Variants in PGAP2 observed in about 807,000 individuals in gnomAD.
PGAP2 encodes the protein acyltransferase PGAP2.
In PGAP2, 21 loss-of-function variants were observed where a neutral mutation model predicts 33.2. That is an observed-to-expected ratio of 0.63 (90% CI 0.45 to 0.91). The LOEUF is 0.91. PGAP2 is among the 40% of genes least tolerant of loss of function. The probability of loss-of-function intolerance (pLI) is 0.00; values close to 1 mark genes in which losing one functional copy is unlikely to be tolerated. For missense variants in PGAP2, 345 were observed against 424.0 expected (o/e 0.81, Z 1.64); for synonymous variants, 161 against 172.9 (o/e 0.93, Z 0.54).
In PGAP2 at chr11:3,826,327, G is replaced by A; in HGVS notation, c.*869G>A. The stretch of plus-strand genomic sequence containing the variant: ...TTTGGTTGTACATTTTATTTGAAAG[G>A]AAAATAAATTTTTTTTTTGGGCCAA... On this transcript the variant is annotated 3_prime_UTR_variant, in exon 7 of 7. Transcript: ENST00000278243. The A allele has an allele frequency of 6.6e-6, 1 of 152,092 alleles. No homozygotes were observed. The highest frequency in any genetic ancestry group is 1.9e-4 in the East Asian group (1 of 5,200). 9.4% of individuals were successfully genotyped at this position (152,092 alleles called of 1,614,324 possible).
chr11:3,814,123 G>A (rs1331481439), intron 2 of PGAP2, among the ~76,000 whole-genome samples: 1 of 152,182 alleles, frequency 6.6e-6, no homozygotes, highest in African/African-American at 2.4e-5. Context: ...AAAGAAGCAA[G>A]CTAGTCCATC....
At chr11:3,819,122 C>T (rs968693750) in intron 3 of PGAP2, among the ~76,000 whole-genome samples, 1 of 152,206 alleles carries the variant, frequency 6.6e-6, no homozygotes, top group Admixed American at 6.5e-5. Flanking sequence ...GATCTTGGCT[C>T]ATTGCAGCCT....
intron 2 of PGAP2, among the ~76,000 whole-genome samples, chr11:3,815,872 A>G (rs17276453): frequency 0.093 from 14,130 of 152,104 alleles, 901 homozygotes; most frequent in Middle Eastern, 0.16. Context: ...CCATTTCTCC[A>G]GTGAGGCCCA....
chr11:3,822,036 C>T (rs944245326), intron 3 of PGAP2, among the ~76,000 whole-genome samples: 1 of 151,806 alleles, frequency 6.6e-6, no homozygotes, highest in Non-Finnish European at 1.5e-5. Context: ...CCAGCCTGGG[C>T]AACCGAAGTG....
At chr11:3,820,345 T>A (rs1432726399) in intron 3 of PGAP2, among the ~76,000 whole-genome samples, 1 of 152,194 alleles carries the variant, frequency 6.6e-6, no homozygotes, top group Non-Finnish European at 1.5e-5. Flanking sequence ...TGTACTTAAC[T>A]GCATGCCAGA....
At chr11:3,824,781 T>G (rs1320359922) in intron 5 of PGAP2, 2 of 1,430,024 alleles carry the variant, frequency 1.4e-6, no homozygotes, top group Non-Finnish European at 1.8e-6. Flanking sequence ...ACTTTCATAC[T>G]CCATCCCCCT....
chr11:3,811,164 T>C lies in PGAP2; in HGVS notation c.-10-86T>C. On this transcript the variant is annotated intron_variant, in intron 1 of 6. Transcript: ENST00000278243. The surrounding 1 kb of genome is among the most constrained non-coding windows in gnomAD (Gnocchi z 4.6). Reference sequence around the variant, plus strand: ...CCCCACCCCACAGCACACAGCTAATTTTAGGACTGAGCACAAGGGCTGACT... The same window carrying C: ...CCCCACCCCACAGCACACAGCTAATCTTAGGACTGAGCACAAGGGCTGACT... 1 of 1,307,172 alleles carries C rather than the reference T, an allele frequency of 7.7e-7. No individual in the cohort carries two copies. The highest frequency in any genetic ancestry group is 1.1e-6 in the Non-Finnish European group (1 of 938,362). 81.0% of individuals were successfully genotyped at this position (1,307,172 alleles called of 1,614,324 possible).
chr11:3,822,212 A>G (rs937030975), intron 3 of PGAP2, among the ~76,000 whole-genome samples: 10 of 151,846 alleles, frequency 6.6e-5, no homozygotes, highest in Non-Finnish European at 1.3e-4. Context: ...AAAATACAAA[A>G]AATTAGCCGG....
intron 1 of PGAP2, among the ~76,000 whole-genome samples, chr11:3,799,977 A>G (rs1438508888): frequency 6.6e-6 from 1 of 152,152 alleles, no homozygotes; most frequent in Non-Finnish European, 1.5e-5. Flanking sequence ...GGGGGAAAAA[A>G]AAGGTGGTGG....
chr11:3,798,114 A>T, intron 1 of PGAP2: 1 of 1,471,526 alleles, frequency 6.8e-7, no homozygotes, highest in South Asian at 1.3e-5. Context: ...TGTCTGTCCA[A>T]AGAGTTTGCC....
At position 3,823,865 on chromosome 11, in the gene PGAP2, C is replaced by A. The variant is rs767553310; in HGVS notation, c.349-18C>A. On this transcript the variant is annotated intron_variant, in intron 3 of 6. Coordinates refer to ENST00000278243, the MANE Select transcript of PGAP2 (RefSeq NM_014489.4). ...GGGCTGGCAGAGGCAGATGCCCAGACAGGTCACAACTCTCTAGGTGCCCAA... is the reference window on the plus strand; with the variant it reads ...GGGCTGGCAGAGGCAGATGCCCAGAAAGGTCACAACTCTCTAGGTGCCCAA... 2.5e-6 allele frequency: 4 copies of A among 1,599,300 alleles called. No individual in the cohort carries two copies. The highest frequency in any genetic ancestry group is 3.4e-6 in the Non-Finnish European group (4 of 1,178,330).
In PGAP2 at chr11:3,811,568, A is replaced by G; in HGVS notation, c.165+144A>G. On this transcript the variant is annotated intron_variant, in intron 2 of 6. Coordinates refer to ENST00000278243, the MANE Select transcript of PGAP2 (RefSeq NM_014489.4). This position sits in a 1 kb window ranked among gnomAD's most constrained non-coding sequence, Gnocchi z 4.6. ...TGCTGGGGGGATGCCTGCAAATTGA[A>G]ATCTCAAGGGTTAGTCTCCCTCTGC... is the stretch of plus-strand genomic sequence containing the variant. 1 of 765,372 alleles carries G rather than the reference A, an allele frequency of 1.3e-6. No individual in the cohort carries two copies. Among genetic ancestry groups the G allele is most frequent in the Non-Finnish European group, 2.0e-6 (1 of 490,626 alleles). 47.4% of individuals were successfully genotyped at this position (765,372 alleles called of 1,614,324 possible). A position where few individuals can be genotyped will look rare whatever the true frequency, so the allele number is the denominator to read the frequency against.
chr11:3,819,623 A>G (rs1308043065), intron 3 of PGAP2, among the ~76,000 whole-genome samples: 1 of 151,982 alleles, frequency 6.6e-6, no homozygotes, highest in Non-Finnish European at 1.5e-5. Context: ...TTTATACCAT[A>G]TGAGTTTCTG....
At chr11:3,814,510 G>A (rs1434794959) in intron 2 of PGAP2, among the ~76,000 whole-genome samples, 2 of 152,076 alleles carry the variant, frequency 1.3e-5, no homozygotes, top group African/African-American at 2.4e-5. Flanking sequence ...ACCTGCCTTG[G>A]CCTCCCAAAG....
rs992542223 is a variant in PGAP2 at position 3,808,615 on chromosome 11, C to G, written c.-47C>G. 55 of 1,321,354 alleles carry G rather than the reference C, an allele frequency of 4.2e-5. No individual in the cohort carries two copies. In the Middle Eastern group the frequency reaches 1.2e-3, roughly 29 times the overall value. The allele number at this position is 1,321,354 out of a possible 1,614,324, so 81.9% of individuals were successfully genotyped here. A position where few individuals can be genotyped will look rare whatever the true frequency, so the allele number is the denominator to read the frequency against. On this transcript the variant is annotated 5_prime_UTR_variant, in exon 1 of 7. Transcript: ENST00000278243. ...CCCCCGACCCCGGGCCACCTGGGCC[C>G]CCGGGTTCCGCCGGCACTCTCGCCA...
At chr11:3,799,043 C>T (rs1460219448) in intron 1 of PGAP2, among the ~76,000 whole-genome samples, 1 of 152,248 alleles carries the variant, frequency 6.6e-6, no homozygotes, top group Non-Finnish European at 1.5e-5. Flanking sequence ...AATGCTTGGG[C>T]AGGCCTCTGT....
intron 2 of PGAP2, 46 bp from the exon 3 acceptor site, chr11:3,817,307 C>T: frequency 6.6e-7 from 1 of 1,514,528 alleles, no homozygotes; most frequent in Non-Finnish European, 9.0e-7. Context: ...TTTCCCAGAC[C>T]CAGGTGTCCT....
chr11:3,811,178 C>T lies in PGAP2; in HGVS notation c.-10-72C>T. The T allele has an allele frequency of 1.4e-6, 2 of 1,438,110 alleles. No homozygotes were observed. The highest frequency in any genetic ancestry group is 1.4e-5 in the African/African-American group (1 of 71,278). 89.1% of individuals were successfully genotyped at this position (1,438,110 alleles called of 1,614,324 possible). A position where few individuals can be genotyped will look rare whatever the true frequency, so the allele number is the denominator to read the frequency against. ...ACACAGCTAATTTTAGGACTGAGCA[C>T]AAGGGCTGACTTTATCACTGAGTGC... On this transcript the variant is annotated intron_variant, in intron 1 of 6. Coordinates refer to ENST00000278243, the MANE Select transcript of PGAP2 (RefSeq NM_014489.4). The surrounding 1 kb of genome is among the most constrained non-coding windows in gnomAD (Gnocchi z 4.6).
At chr11:3,799,527 A>T (rs1485777691) in intron 1 of PGAP2, among the ~76,000 whole-genome samples, 1 of 152,210 alleles carries the variant, frequency 6.6e-6, no homozygotes, top group East Asian at 1.9e-4. Flanking sequence ...ATCTCAAAAA[A>T]AATTTTTAAA....
Sources: allele counts gnomAD v4.1 joint callset (sites outside exome capture counted in the v4.1 genomes callset), GRCh38; gene constraint gnomAD v4.1.1; non-coding constraint Gnocchi (gnomAD v3.1); transcripts MANE v1.5; gene names NCBI Gene and HGNC (gene_info 2026-07-23, HGNC 2026-07-21).